SAMD12: variants seen among roughly 807,000 people sequenced by gnomAD.
SAMD12 encodes sterile alpha motif domain-containing protein 12.
SAMD12 carries 9 observed loss-of-function variants against 15.0 expected under a neutral mutation model. The observed-to-expected ratio is 0.60, with a 90% CI of 0.36 to 1.05. The LOEUF (loss-of-function observed/expected upper bound fraction) is 1.05. Among genes scored for constraint, SAMD12 ranks in the 50% least tolerant of loss-of-function variants. The pLI, the probability that SAMD12 is intolerant of heterozygous loss-of-function variation, is 0.01. For missense variants in SAMD12, 230 were observed against 234.2 expected (o/e 0.98, Z 0.12); for synonymous variants, 86 against 90.1 (o/e 0.96, Z 0.25).
At position 118,272,167 on chromosome 8, in the gene SAMD12, G is replaced by A. The variant is rs530939530; in HGVS notation, c.434-74435C>T. Among the ~76,000 whole-genome samples, 136 of 152,346 alleles carry A rather than the reference G, an allele frequency of 8.9e-4. 1 individual carries two copies. Among genetic ancestry groups the A allele is most frequent in the African/African-American group, 3.0e-3 (125 of 41,582 alleles). ...CCATACATCCTCTGAAATCCAGGCA[G>A]AGGTTTCCAAACCTTAATTCTTGAT... On this transcript the variant is annotated intron_variant, in intron 4 of 4. Transcript: ENST00000409003.
chr8:118,425,516 CCTGT>C (rs1347934553), intron 3 of SAMD12, among the ~76,000 whole-genome samples: 1 of 152,072 alleles, frequency 6.6e-6, no homozygotes, highest in Non-Finnish European at 1.5e-5. Flanking sequence ...AGACTCCTAC[CCTGT>C]CTAAGAAAGA....
chr8:118,301,034 T>C (rs969776661), intron 4 of SAMD12, among the ~76,000 whole-genome samples: 3 of 152,220 alleles, frequency 2.0e-5, no homozygotes, highest in Non-Finnish European at 4.4e-5. Context: ...AGATGACTGG[T>C]AATAGTTGAA....
In SAMD12 at chr8:118,379,620, G is replaced by T. The variant is rs745768797; in HGVS notation, c.403C>A (p.Gln135Lys). Residue 135 changes from glutamine to lysine, a missense_variant, in exon 4 of 4, where the codon CAA becomes AAA. Transcript: ENST00000314727. ...CGCACCTTCAGCTGGAGCACCTGTT[G>T]TAAGATGTGCTGCCGGAGGTTCTCC... Reference protein sequence around the residue: ...AQENLRQHILQQVLQLKVREE... With the variant: ...AQENLRQHILKQVLQLKVREE... 1.7e-5 allele frequency: 27 copies of T among 1,613,974 alleles called. No homozygotes were observed. The highest frequency in any genetic ancestry group is 1.9e-5 in the Non-Finnish European group (23 of 1,179,894).
In SAMD12 at chr8:118,440,026, A is replaced by G. The variant is rs1822693360; in HGVS notation, c.193-65T>C. ...TGCCTAGGAAGACACTATAGTTAAA[A>G]GTCTTAGAGTGTGTTAAAGGCTACA... On this transcript the variant is annotated intron_variant, in intron 2 of 3. Coordinates refer to ENST00000314727, the MANE Select transcript of SAMD12 (RefSeq NM_207506.3). The G allele has an allele frequency of 2.6e-6, 4 of 1,531,676 alleles. No homozygotes were observed. The South Asian group carries it at 4.6e-5, about 18-fold the overall frequency. The allele number at this position is 1,531,676 out of a possible 1,614,324, so 94.9% of individuals were successfully genotyped here.
At chr8:118,352,843 C>T (rs1045799693) in intron 4 of SAMD12, among the ~76,000 whole-genome samples, 2 of 152,018 alleles carry the variant, frequency 1.3e-5, no homozygotes, top group South Asian at 2.1e-4. Flanking sequence ...CTATGCTAAC[C>T]GTAGAGCCAG....
At chr8:118,558,772 T>C (rs1826621239) in intron 2 of SAMD12, among the ~76,000 whole-genome samples, 1 of 151,984 alleles carries the variant, frequency 6.6e-6, no homozygotes, top group Admixed American at 6.6e-5. Context: ...TTAGCCAGGA[T>C]GATCTCGATC....
At chr8:118,265,538 C>T (rs1384834085) in intron 4 of SAMD12, among the ~76,000 whole-genome samples, 1 of 151,886 alleles carries the variant, frequency 6.6e-6, no homozygotes, top group Non-Finnish European at 1.5e-5. Context: ...ACCCTTATTC[C>T]AAGAGGAATA....
the SAMD12 span, among the ~76,000 whole-genome samples, chr8:118,137,273 T>C: frequency 6.6e-6 from 1 of 152,204 alleles, no homozygotes; most frequent in African/African-American, 2.4e-5. Flanking sequence ...TATGCTTCTA[T>C]GCAAAGGAAG....
intron 2 of SAMD12, among the ~76,000 whole-genome samples, chr8:118,514,194 C>T (rs548053691): frequency 1.1e-3 from 169 of 152,314 alleles, no homozygotes; most frequent in Middle Eastern, 3.4e-3. Context: ...ATACAACTCT[C>T]TAATGGGTTA....
At chr8:118,371,480 A>C (rs1179576202) in intron 4 of SAMD12, among the ~76,000 whole-genome samples, 1 of 151,996 alleles carries the variant, frequency 6.6e-6, no homozygotes, top group African/African-American at 2.4e-5. Flanking sequence ...AACTCTGAGG[A>C]TTTGGTCATG....
chr8:118,462,425 G>A (rs1823450756), intron 2 of SAMD12, among the ~76,000 whole-genome samples: 1 of 152,192 alleles, frequency 6.6e-6, no homozygotes, highest in Non-Finnish European at 1.5e-5. Context: ...GGACTGTGCA[G>A]GGGATAGTGG....
intron 4 of SAMD12, among the ~76,000 whole-genome samples, chr8:118,370,399 G>T (rs1819028040): frequency 6.6e-6 from 1 of 152,098 alleles, no homozygotes; most frequent in African/African-American, 2.4e-5. Context: ...ACCTGGAACT[G>T]GAAATATCCT....
At chr8:118,589,564 T>C (rs1827529082) in intron 1 of SAMD12, among the ~76,000 whole-genome samples, 1 of 152,224 alleles carries the variant, frequency 6.6e-6, no homozygotes, top group Non-Finnish European at 1.5e-5. Context: ...GGACAGACTT[T>C]AGAAGATGTC....
intron 2 of SAMD12, among the ~76,000 whole-genome samples, chr8:118,548,040 G>A (rs1826182015): frequency 1.3e-5 from 2 of 152,026 alleles, no homozygotes; most frequent in Non-Finnish European, 2.9e-5. Context: ...AACAGAGAAG[G>A]AAACCACAGC....
chr8:118,418,611 C>T lies in SAMD12; in HGVS notation c.322+21221G>A, dbSNP rs144726071. ...GCGGGCGCCTGTGGTCCCAGCTACTCGGGAGGCTGAGGCAGGAGAATGGCA... is the reference window on the plus strand; with the variant it reads ...GCGGGCGCCTGTGGTCCCAGCTACTTGGGAGGCTGAGGCAGGAGAATGGCA... On this transcript the variant is annotated intron_variant, in intron 3 of 3. Coordinates refer to ENST00000314727, the MANE Select transcript of SAMD12 (RefSeq NM_207506.3). Among the ~76,000 whole-genome samples, 1,468 of 151,746 alleles carry T rather than the reference C, an allele frequency of 9.7e-3. 27 individuals carry two copies. The highest frequency in any genetic ancestry group is 0.033 in the African/African-American group (1,381 of 41,358).
chr8:118,426,159 A>C (rs748175732), intron 3 of SAMD12, among the ~76,000 whole-genome samples: 4 of 152,200 alleles, frequency 2.6e-5, no homozygotes, highest in Non-Finnish European at 5.9e-5. Context: ...CAATTCACTA[A>C]TTATTGACTA....
chr8:118,353,487 G>C (rs772715623), intron 4 of SAMD12, among the ~76,000 whole-genome samples: 2 of 151,786 alleles, frequency 1.3e-5, no homozygotes, highest in Non-Finnish European at 2.9e-5. Flanking sequence ...GCTCTCCTCC[G>C]TGTGAGGCAA....
intron 4 of SAMD12, among the ~76,000 whole-genome samples, chr8:118,327,286 T>C (rs556680952): frequency 3.9e-4 from 59 of 152,312 alleles, no homozygotes; most frequent in African/African-American, 1.4e-3. Context: ...AAATCCAGAA[T>C]GTGTTCTCCA....
chr8:118,393,156 T>C (rs770731323), intron 3 of SAMD12, among the ~76,000 whole-genome samples: 3 of 152,162 alleles, frequency 2.0e-5, no homozygotes, highest in Non-Finnish European at 2.9e-5. Context: ...ATGTCAAAGA[T>C]GAGGAAATAG....
Sources: gnomAD v4.1 joint callset for allele counts (sites outside exome capture counted in the v4.1 genomes callset) on GRCh38, gnomAD v4.1.1 for gene constraint, MANE v1.5 for transcripts, NCBI Gene and HGNC (gene_info 2026-07-23, HGNC 2026-07-21) for gene names.